Variants in PARN observed in about 807,000 individuals in gnomAD.
PARN encodes poly(A)-specific ribonuclease PARN.
In PARN, 71 loss-of-function variants were observed where a neutral mutation model predicts 102.8. The ratio of observed to expected loss-of-function variants is 0.69; its 90% CI spans 0.57 to 0.84. The LOEUF (loss-of-function observed/expected upper bound fraction) is 0.84, where lower values mean the gene tolerates loss of function less well. Ranked by LOEUF, PARN falls within the 40% of genes least tolerant of loss-of-function variation. The pLI, the probability that PARN is intolerant of heterozygous loss-of-function variation, is 0.00. For missense variants in PARN, 782 were observed against 760.9 expected (o/e 1.03, Z -0.33); for synonymous variants, 261 against 252.9 (o/e 1.03, Z -0.30).
chr16:14,530,254 TC>T (rs1322521089), intron 21 of PARN, among the ~76,000 whole-genome samples: 1 of 152,088 alleles, frequency 6.6e-6, no homozygotes, highest in Non-Finnish European at 1.5e-5. Flanking sequence ...CCTGAAGCTG[TC>T]CACAGGAATC....
rs547188897 is a variant in PARN, at chr16:14,443,838, G to C, written c.1864+3050C>G. Among the ~76,000 whole-genome samples the C allele has an allele frequency of 2.0e-5, 3 of 152,114 alleles. No homozygotes were observed. The South Asian group carries it at 6.2e-4, about 32-fold the overall frequency. The stretch of plus-strand genomic sequence containing the variant: ...TGGGCCCCCAAGCCCCTGAGGATCT[G>C]TTGAGTACCTGCTGAGATGCTTTTC... On this transcript the variant is annotated intron_variant, in intron 23 of 23. Coordinates refer to ENST00000437198, the MANE Select transcript of PARN (RefSeq NM_002582.4).
intron 22 of PARN, among the ~76,000 whole-genome samples, chr16:14,472,287 G>A (rs896779430): frequency 1.3e-5 from 2 of 152,046 alleles, no homozygotes; most frequent in Admixed American, 6.6e-5. Context: ...TTACATTAAC[G>A]AGACTCTAGT....
At chr16:14,630,051 G>A (rs892873941) in intron 1 of PARN, 56 bp downstream of exon 1, 2 of 1,482,572 alleles carry the variant, frequency 1.3e-6, no homozygotes, top group Non-Finnish European at 1.8e-6. Context: ...TCTCGGCCTA[G>A]CAGGCCAGGG....
At chr16:14,583,411 CATATTAA>C (rs1452496975) in intron 16 of PARN, among the ~76,000 whole-genome samples, 2 of 152,106 alleles carry the variant, frequency 1.3e-5, no homozygotes, top group African/African-American at 4.8e-5. Flanking sequence ...TCTTTAACTC[CATATTAA>C]ATATTAGACT....
chr16:14,555,854 G>A (rs1596658071), intron 18 of PARN, 145 bp from the exon 19 acceptor site: 5 of 474,998 alleles, frequency 1.1e-5, no homozygotes, highest in Admixed American at 8.1e-5. Flanking sequence ...CACTCTATTT[G>A]TAAAATTATT....
intron 22 of PARN, among the ~76,000 whole-genome samples, chr16:14,474,128 G>T (rs1485061177): frequency 6.6e-6 from 1 of 152,098 alleles, no homozygotes; most frequent in African/African-American, 2.4e-5. Flanking sequence ...GAGTATCTGG[G>T]ACTATAGGCA....
At chr16:14,559,332 T>C (rs1292616652) in intron 18 of PARN, among the ~76,000 whole-genome samples, 2 of 152,056 alleles carry the variant, frequency 1.3e-5, no homozygotes, top group Non-Finnish European at 2.9e-5. Context: ...TTCTCTAATA[T>C]TTCACCTGAA....
rs17259308 is a variant in PARN at position 14,452,991 on chromosome 16, G to C, written c.1671-5910C>G. On this transcript the variant is annotated intron_variant, in intron 22 of 23. Transcript: ENST00000437198. ...GTGTGTATGTGCATGCGTGTGTGTA[G>C]CACTCTCAATACCTGCATGTTGATG... Among the ~76,000 whole-genome samples, 1,411 of 152,278 alleles carry C rather than the reference G, an allele frequency of 9.3e-3. 9 individuals carry two copies. The highest frequency in any genetic ancestry group is 0.024 in the Middle Eastern group (7 of 294).
chr16:14,591,577 A>G (rs1970196299), intron 13 of PARN, among the ~76,000 whole-genome samples: 1 of 152,230 alleles, frequency 6.6e-6, no homozygotes, highest in Non-Finnish European at 1.5e-5. Context: ...GAGTTGTGAC[A>G]GAAACTATGC....
intron 18 of PARN, among the ~76,000 whole-genome samples, chr16:14,567,462 T>A (rs1200057886): frequency 6.6e-6 from 1 of 152,214 alleles, no homozygotes; most frequent in Non-Finnish European, 1.5e-5. Context: ...ATGCAGCCAG[T>A]TTATGATAAG....
At chr16:14,558,472 T>C (rs188976595) in intron 18 of PARN, 1 of 151,684 alleles carries the variant, frequency 6.6e-6, no homozygotes, top group East Asian at 1.9e-4. Flanking sequence ...GACTCCAGCC[T>C]GGCAACAGAG....
chr16:14,519,369 G>T (rs892748448), intron 21 of PARN, among the ~76,000 whole-genome samples: 1 of 148,974 alleles, frequency 6.7e-6, no homozygotes, highest in African/African-American at 2.5e-5. Context: ...AGGGGAGGAA[G>T]AACATTTTCT....
intron 21 of PARN, among the ~76,000 whole-genome samples, chr16:14,533,170 G>A (rs1279530922): frequency 6.6e-6 from 1 of 152,146 alleles, no homozygotes; most frequent in Non-Finnish European, 1.5e-5. Context: ...TCAGGAGGCC[G>A]AGGCTGGCGG....
At chr16:14,447,870 G>T (rs12596043) in intron 22 of PARN, among the ~76,000 whole-genome samples, 15,921 of 152,158 alleles carry the variant, frequency 0.1, 898 homozygotes, top group East Asian at 0.23. Context: ...CAAGCACATG[G>T]GGAGGGTGGG....
At chr16:14,455,443 T>TA (rs1961633907) in intron 22 of PARN, among the ~76,000 whole-genome samples, 1 of 152,214 alleles carries the variant, frequency 6.6e-6, no homozygotes, top group African/African-American at 2.4e-5. Flanking sequence ...ATTTCTCCTG[T>TA]AAAAGTATTT....
At chr16:14,563,772 C>G (rs1481695761) in intron 18 of PARN, among the ~76,000 whole-genome samples, 1 of 150,790 alleles carries the variant, frequency 6.6e-6, no homozygotes, top group Non-Finnish European at 1.5e-5. Flanking sequence ...ACACTGATCT[C>G]AATTAGTAAA....
At chr16:14,560,674 T>C (rs1478926566) in intron 18 of PARN, among the ~76,000 whole-genome samples, 1 of 152,156 alleles carries the variant, frequency 6.6e-6, no homozygotes, top group Non-Finnish European at 1.5e-5. Flanking sequence ...CTGGAAAGAC[T>C]CCAGGGTAAA....
chr16:14,537,788 G>A (rs1245168744), intron 21 of PARN, among the ~76,000 whole-genome samples: 1 of 152,158 alleles, frequency 6.6e-6, no homozygotes, highest in African/African-American at 2.4e-5. Context: ...GTAGAGGGAA[G>A]AGGAGGATAG....
chr16:14,481,268 C>T (rs540772221), intron 22 of PARN, among the ~76,000 whole-genome samples: 16 of 152,240 alleles, frequency 1.1e-4, no homozygotes, highest in South Asian at 8.3e-4. Flanking sequence ...AAAATAAATG[C>T]TGCATATTTA....
Sources: gnomAD v4.1 joint callset for allele counts (sites outside exome capture counted in the v4.1 genomes callset) on GRCh38, gnomAD v4.1.1 for gene constraint, MANE v1.5 for transcripts, NCBI Gene and HGNC (gene_info 2026-07-23, HGNC 2026-07-21) for gene names.